The following PTPRO variants were observed in gnomAD, a reference collection of about 807,000 sequenced individuals.
PTPRO encodes protein tyrosine phosphatase receptor type O.
A neutral mutation model predicts 145.2 loss-of-function variants in PTPRO; 62 were observed. That is an observed-to-expected ratio of 0.43 (90% CI 0.35 to 0.53). The LOEUF is 0.53. Among genes scored for constraint, PTPRO ranks in the 20% least tolerant of loss-of-function variants. PTPRO has a pLI of 0.01. For missense variants in PTPRO, 1,345 were observed against 1,482.7 expected, an observed-to-expected ratio of 0.91 and a Z score of 1.53; for synonymous variants, 565 against 514.7, an observed-to-expected ratio of 1.10 and a Z score of -1.32.
chr12:15,352,453 A>G (rs1034492258), intron 1 of PTPRO, among the ~76,000 whole-genome samples: 3 of 152,088 alleles, frequency 2.0e-5, no homozygotes, highest in Admixed American at 2.0e-4. Context: ...GATCTAGACC[A>G]TCTTGGCTAA....
chr12:15,458,145 G>T (rs926388496), intron 1 of PTPRO, among the ~76,000 whole-genome samples: 2 of 152,110 alleles, frequency 1.3e-5, no homozygotes, highest in Admixed American at 6.6e-5. Flanking sequence ...TTAGTTGACA[G>T]ATTTTTTTTC....
chr12:15,554,007 A>G (rs760044067), intron 15 of PTPRO, among the ~76,000 whole-genome samples: 1 of 152,146 alleles, frequency 6.6e-6, no homozygotes, highest in Non-Finnish European at 1.5e-5. Flanking sequence ...CCAGCCTGAC[A>G]AACATGAAGA....
intron 1 of PTPRO, among the ~76,000 whole-genome samples, chr12:15,362,254 C>A (rs762735590): frequency 7.2e-5 from 11 of 152,162 alleles, no homozygotes; most frequent in Non-Finnish European, 1.5e-4. Flanking sequence ...ATAAAAGCCA[C>A]CAGCAACTAC....
chr12:15,586,395 T>C lies in PTPRO; in HGVS notation c.3256-502T>C, dbSNP rs530762629. Among the ~76,000 whole-genome samples the C allele has an allele frequency of 6.6e-5, 10 of 152,316 alleles. No individual in the cohort carries two copies. In the East Asian group the frequency reaches 1.9e-3, roughly 29 times the overall value. ...ATTTTTGTACCCCACAATTAGTCAG[T>C]CATTAGCTGTGGGCTTCCCTCAGCA... On this transcript the variant is annotated intron_variant, in intron 23 of 26. Coordinates refer to ENST00000281171, the MANE Select transcript of PTPRO (RefSeq NM_030667.3).
chr12:15,340,672 A>G (rs1866949367), intron 1 of PTPRO, among the ~76,000 whole-genome samples: 1 of 152,204 alleles, frequency 6.6e-6, no homozygotes, highest in Non-Finnish European at 1.5e-5. Flanking sequence ...GATGGGGAGA[A>G]CTGGTGTTTT....
At chr12:15,568,433 A>ACAAAG (rs1424865281) in intron 18 of PTPRO, among the ~76,000 whole-genome samples, 1 of 134,854 alleles carries the variant, frequency 7.4e-6, no homozygotes, top group East Asian at 2.1e-4. Flanking sequence ...CTGTCTCAAA[A>ACAAAG]CAAAACAAAA....
At chr12:15,341,624 ATT>A (rs1222059875) in intron 1 of PTPRO, among the ~76,000 whole-genome samples, 2 of 152,232 alleles carry the variant, frequency 1.3e-5, no homozygotes, top group Non-Finnish European at 2.9e-5. Flanking sequence ...GTGCTGTACT[ATT>A]ATTAAAGGCA....
intron 23 of PTPRO, among the ~76,000 whole-genome samples, chr12:15,585,700 T>C (rs1944416595): frequency 6.6e-6 from 1 of 152,208 alleles, no homozygotes; most frequent in Non-Finnish European, 1.5e-5. Flanking sequence ...AGTTATGATA[T>C]AGTATTCCAG....
intron 26 of PTPRO, chr12:15,595,304 T>C (rs1276435021): frequency 1.1e-5 from 5 of 469,146 alleles, no homozygotes; most frequent in Admixed American, 3.3e-5. Flanking sequence ...CATGATGACT[T>C]TACCTCCATT....
intron 7 of PTPRO, among the ~76,000 whole-genome samples, chr12:15,515,109 C>T (rs576280914): frequency 4.0e-4 from 61 of 152,112 alleles, no homozygotes; most frequent in Non-Finnish European, 8.5e-4. Flanking sequence ...TTCTAAGTGA[C>T]AAGAGACTAA....
rs184941998 is a variant in PTPRO, at chr12:15,374,583, G to A, written c.75+51782G>A. ...CTCAAATAGTAGCATCCCCAGAGTAGCACCACTATTTAATCTGTCTTGAAG... is the reference window on the plus strand; with the variant it reads ...CTCAAATAGTAGCATCCCCAGAGTAACACCACTATTTAATCTGTCTTGAAG... On this transcript the variant is annotated intron_variant, in intron 1 of 26. Transcript: ENST00000281171. Among the ~76,000 whole-genome samples, 8 of 152,178 alleles carry A rather than the reference G, an allele frequency of 5.3e-5. No individual in the cohort carries two copies. In the East Asian group the frequency reaches 1.5e-3, roughly 29 times the overall value.
chr12:15,463,266 A>G (rs1186004389), intron 1 of PTPRO, among the ~76,000 whole-genome samples: 1 of 152,206 alleles, frequency 6.6e-6, no homozygotes, highest in Non-Finnish European at 1.5e-5. Context: ...ATGAATCAAT[A>G]GATCCTAAAC....
At chr12:15,527,148 A>G (rs2136529992) in intron 12 of PTPRO, among the ~76,000 whole-genome samples, 1 of 152,308 alleles carries the variant, frequency 6.6e-6, no homozygotes, top group South Asian at 2.1e-4. Context: ...TGAGATTTTC[A>G]CCAGCAACAA....
At chr12:15,413,407 T>C (rs1307634666) in intron 1 of PTPRO, among the ~76,000 whole-genome samples, 1 of 152,212 alleles carries the variant, frequency 6.6e-6, no homozygotes, top group East Asian at 1.9e-4. Context: ...AGATTCTTGA[T>C]ACAATTAATG....
intron 1 of PTPRO, among the ~76,000 whole-genome samples, chr12:15,373,068 G>C (rs1341986989): frequency 2.0e-5 from 3 of 152,140 alleles, no homozygotes; most frequent in African/African-American, 7.2e-5. Flanking sequence ...GTTTTACATG[G>C]AATCAAGTGA....
chr12:15,389,166 C>T (rs1029378155), intron 1 of PTPRO, among the ~76,000 whole-genome samples: 3 of 149,866 alleles, frequency 2.0e-5, no homozygotes, highest in African/African-American at 7.4e-5. Context: ...TGCAGTGGCG[C>T]GATCTCGGCT....
intron 1 of PTPRO, among the ~76,000 whole-genome samples, chr12:15,351,488 A>G (rs1346230313): frequency 6.6e-6 from 1 of 152,080 alleles, no homozygotes; most frequent in African/African-American, 2.4e-5. Context: ...AGCATATGAT[A>G]TTTCAAAGAT....
chr12:15,589,717 T>C (rs773079567), intron 25 of PTPRO, 127 bp downstream of exon 25: 10 of 1,218,644 alleles, frequency 8.2e-6, no homozygotes, highest in Non-Finnish European at 1.2e-5. Flanking sequence ...TTTCTTATTG[T>C]ATATGTTCAA....
chr12:15,379,446 G>A (rs1938790412), intron 1 of PTPRO, among the ~76,000 whole-genome samples: 1 of 148,774 alleles, frequency 6.7e-6, no homozygotes, highest in African/African-American at 2.5e-5. Flanking sequence ...CAGGAGAACG[G>A]CTTGAACACA....
Sources: allele counts gnomAD v4.1 joint callset (sites outside exome capture counted in the v4.1 genomes callset), GRCh38; gene constraint gnomAD v4.1.1; transcripts MANE v1.5; gene names NCBI Gene and HGNC (gene_info 2026-07-23, HGNC 2026-07-21).